DCP1A: variants seen among roughly 807,000 people sequenced by gnomAD.
DCP1A encodes the protein mRNA-decapping enzyme 1A.
In DCP1A, 20 loss-of-function variants were observed where a neutral mutation model predicts 58.0. The ratio of observed to expected loss-of-function variants is 0.34; its 90% confidence interval spans 0.24 to 0.50. The LOEUF (loss-of-function observed/expected upper bound fraction) is 0.50. Ranked by LOEUF, DCP1A falls within the 20% of genes least tolerant of loss-of-function variation. The probability of loss-of-function intolerance (pLI) is 0.98; values close to 1 mark genes in which losing one functional copy is unlikely to be tolerated. For missense variants in DCP1A, 613 were observed against 712.2 expected (o/e 0.86, Z 1.59); for synonymous variants, 285 against 275.1 (o/e 1.04, Z -0.36).
chr3:53,311,142 AGG>A (rs1707632116), intron 5 of DCP1A, among the ~76,000 whole-genome samples: 1 of 152,232 alleles, frequency 6.6e-6, no homozygotes, highest in Non-Finnish European at 1.5e-5. Flanking sequence ...AGCTTTTTTC[AGG>A]ATCACTGATT....
chr3:53,307,395 A>C (rs1156300534), intron 5 of DCP1A, among the ~76,000 whole-genome samples: 1 of 152,194 alleles, frequency 6.6e-6, no homozygotes, highest in Non-Finnish European at 1.5e-5. Flanking sequence ...ATCGGCAATA[A>C]CTGAGAGCTG....
intron 8 of DCP1A, 25 bp downstream of exon 8, chr3:53,290,766 A>G (rs2106790630): frequency 6.7e-7 from 1 of 1,491,730 alleles, no homozygotes; most frequent in African/African-American, 1.4e-5. Flanking sequence ...AAAAAAAAAA[A>G]AAAAAAAAAA....
chr3:53,332,393 A>C (rs1415082197), intron 3 of DCP1A, among the ~76,000 whole-genome samples: 1 of 152,198 alleles, frequency 6.6e-6, no homozygotes, highest in African/African-American at 2.4e-5. Context: ...CCAAGTTTTA[A>C]ATTTACAGGC....
intron 3 of DCP1A, 45 bp from the exon 4 acceptor site, chr3:53,319,518 A>G: frequency 3.3e-6 from 4 of 1,206,744 alleles, no homozygotes; most frequent in South Asian, 2.6e-5. Context: ...ATGAGGTTTC[A>G]ACATTTGGGT....
At chr3:53,338,860 C>A (rs76733351) in intron 3 of DCP1A, among the ~76,000 whole-genome samples, 1,248 of 107,294 alleles carry the variant, frequency 0.012, no homozygotes, top group African/African-American at 0.016. Flanking sequence ...GGCTCCGTCT[C>A]AAAAAAAAAA....
chr3:53,346,555 A>T (rs781883800), intron 1 of DCP1A, among the ~76,000 whole-genome samples: 39 of 152,308 alleles, frequency 2.6e-4, no homozygotes, highest in Non-Finnish European at 5.3e-4. Context: ...AGGGTCAATT[A>T]CAAGAAAGTG....
chr3:53,302,910 A>C (rs1298768986), intron 6 of DCP1A, among the ~76,000 whole-genome samples: 3 of 151,954 alleles, frequency 2.0e-5, no homozygotes, highest in Non-Finnish European at 2.9e-5. Context: ...GGCATGAGCC[A>C]CTGCACCTGG....
At chr3:53,288,494 T>G (rs1706730041) in intron 8 of DCP1A, 1 of 573,856 alleles carries the variant, frequency 1.7e-6, no homozygotes, top group East Asian at 2.9e-5. Context: ...AGCCCATTTA[T>G]GTAAGAATGT....
chr3:53,286,522 C>T lies in DCP1A; in HGVS notation c.*1058G>A, dbSNP rs192234380. On this transcript the variant is annotated 3_prime_UTR_variant, in exon 10 of 10. Coordinates refer to ENST00000610213, the MANE Select transcript of DCP1A (RefSeq NM_018403.7). The stretch of plus-strand genomic sequence containing the variant: ...CTTTACATATTTTCACACTTTGGGC[C>T]GGGAAAGTACTCACAGCCTAGGAAT... The T allele has an allele frequency of 1.4e-4, 22 of 152,266 alleles. No individual in the cohort carries two copies. The highest frequency in any genetic ancestry group is 4.3e-4 in the African/African-American group (18 of 41,556). 9.4% of individuals were successfully genotyped at this position (152,266 alleles called of 1,614,324 possible). A position where few individuals can be genotyped will look rare whatever the true frequency, so the allele number is the denominator to read the frequency against.
chr3:53,341,679 G>A (rs12631287), intron 3 of DCP1A, among the ~76,000 whole-genome samples: 55,649 of 151,842 alleles, frequency 0.37, 10,569 homozygotes, highest in Middle Eastern at 0.43. Flanking sequence ...ATATACAAAA[G>A]AATGTTTCCA....
chr3:53,324,999 C>T (rs1255013992), intron 3 of DCP1A, among the ~76,000 whole-genome samples: 6 of 151,746 alleles, frequency 4.0e-5, no homozygotes, highest in South Asian at 4.2e-4. Context: ...AAATGAAGGC[C>T]CCTTTCTTTT....
chr3:53,291,297 T>G (rs1178613306), intron 7 of DCP1A, among the ~76,000 whole-genome samples: 1 of 152,212 alleles, frequency 6.6e-6, no homozygotes, highest in Non-Finnish European at 1.5e-5. Flanking sequence ...AAACGGGGCA[T>G]CCATCCCCTC....
chr3:53,312,098 G>A, intron 5 of DCP1A, 143 bp downstream of exon 5: 1 of 821,652 alleles, frequency 1.2e-6, no homozygotes. Context: ...CTGATTACAG[G>A]AGTGTGCTAA....
At chr3:53,290,699 A>G (rs782172588) in intron 8 of DCP1A, 92 bp downstream of exon 8, 1 of 1,115,618 alleles carries the variant, frequency 9.0e-7, no homozygotes, top group Non-Finnish European at 1.3e-6. Context: ...TACAGACCAA[A>G]TTCCTTGTTC....
intron 3 of DCP1A, among the ~76,000 whole-genome samples, chr3:53,333,791 ATTCCT>A (rs781944760): frequency 2.0e-5 from 3 of 152,146 alleles, no homozygotes; most frequent in Non-Finnish European, 2.9e-5. Flanking sequence ...TAGGTCACTT[ATTCCT>A]TTCATCATTA....
At position 53,303,293 on chromosome 3, in the gene DCP1A, GTCTTAC is replaced by G. The variant is rs554637974; in HGVS notation, c.624+878_624+883del. Among the ~76,000 whole-genome samples the G allele has an allele frequency of 1.2e-3, 187 of 151,964 alleles. 2 individuals carry two copies. The highest frequency in any genetic ancestry group is 3.9e-3 in the African/African-American group (162 of 41,450). On this transcript the variant is annotated intron_variant, in intron 6 of 9. Transcript: ENST00000610213. Reference sequence around the variant, plus strand: ...TTATTTTTTTCTTCCTTGAGACAGAGTCTTACTCTGTTGCTCAGACTGGAGTGCACT... The same window carrying G: ...TTATTTTTTTCTTCCTTGAGACAGAGTCTGTTGCTCAGACTGGAGTGCACT...
chr3:53,332,446 T>C (rs1553691414), intron 3 of DCP1A, among the ~76,000 whole-genome samples: 1 of 152,260 alleles, frequency 6.6e-6, no homozygotes, highest in African/African-American at 2.4e-5. Flanking sequence ...AAATGCATGT[T>C]CTCTTCCTTT....
intron 7 of DCP1A, among the ~76,000 whole-genome samples, 181 bp from the exon 8 acceptor site, chr3:53,291,037 C>A (rs1445463387): frequency 1.3e-5 from 2 of 152,178 alleles, no homozygotes; most frequent in Admixed American, 1.3e-4. Flanking sequence ...TGTAACCATG[C>A]AGCCAACAAT....
rs1333960615 is a variant in DCP1A, at chr3:53,343,768, T to C, written c.176+1134A>G. Among the ~76,000 whole-genome samples, 6 of 152,140 alleles carry C rather than the reference T, an allele frequency of 3.9e-5. No individual in the cohort carries two copies. The East Asian group carries it at 1.2e-3, about 29-fold the overall frequency. ...CTGGGACTACAGGTGCCTGCCACCA[T>C]GCCCAGCTAATTTTTTGTATTTTTA... On this transcript the variant is annotated intron_variant, in intron 2 of 9. Transcript: ENST00000610213.
Sources: allele counts gnomAD v4.1 joint callset (sites outside exome capture counted in the v4.1 genomes callset), GRCh38; gene constraint gnomAD v4.1.1; transcripts MANE v1.5; gene names NCBI Gene and HGNC (gene_info 2026-07-23, HGNC 2026-07-21).